The following OR6T1 variants were observed in gnomAD, a reference collection of about 807,000 sequenced individuals.
OR6T1 encodes olfactory receptor family 6 subfamily T member 1.
For missense variants in OR6T1, 389 were observed against 390.5 expected (o/e 1.00, Z 0.03); for synonymous variants, 179 against 159.1 (o/e 1.13, Z -0.94).
In OR6T1 at chr11:123,943,522, A is replaced by C. The variant is rs1303782977; in HGVS notation, c.317T>G (p.Phe106Cys). 6.2e-7 allele frequency: 1 copy of C among 1,614,044 alleles called. No individual in the cohort carries two copies. The highest frequency in any genetic ancestry group is 8.5e-7 in the Non-Finnish European group (1 of 1,180,024). ...GAGGAAGAAGTCAGTGGTGCCTAGA[A>C]AGAAGTAGAGGTAGGACTGGATGAT... ...SCIIQSYLYF[F>C]LGTTDFFLLA... Residue 106 changes from phenylalanine to cysteine, a missense_variant, in exon 1 of 1, where the codon TTT becomes TGT. Physicochemically the swap from Phe to Cys is radical, Grantham distance 205. Transcript: ENST00000321252.
In OR6T1 at chr11:123,943,366, C is replaced by T; in HGVS notation, c.473G>A (p.Cys158Tyr). Residue 158 changes from cysteine to tyrosine, a missense_variant, in exon 1 of 1, where the codon TGC becomes TAC. By Grantham distance (194) the Cys-to-Tyr change is radical (BLOSUM62 -2). Transcript: ENST00000321252. ...CAGGCTGGCCATGAGGACAGTGGGG[C>T]AAAGGACCCAGAGGAATCCAGCTAG... is the stretch of plus-strand genomic sequence containing the variant. ...SWLAGFLWVL[C>Y]PTVLMASLPF... 2 of 1,614,162 alleles carry T rather than the reference C, an allele frequency of 1.2e-6. No individual in the cohort carries two copies. Among genetic ancestry groups the T allele is most frequent in the Non-Finnish European group, 1.7e-6 (2 of 1,180,018 alleles).
Position 123,943,647 on chromosome 11 carries a change from C to G in OR6T1, c.192G>C (p.Arg64=). The G allele has an allele frequency of 6.2e-7, 1 of 1,614,192 alleles. No homozygotes were observed. The highest frequency in any genetic ancestry group is 8.5e-7 in the Non-Finnish European group (1 of 1,180,032). Residue 64 remains arginine, a synonymous_variant, in exon 1 of 1, where the codon CGG becomes CGC. Transcript: ENST00000321252. ...GCAACAGCTCCAGGAAGGAGAAATT[C>G]CGCAGGAAGAAGTACATCTGTATGT... ...RLHIQMYFFL[R]NFSFLELLLV... is the part of the protein sequence containing the mutation.
Position 123,943,556 on chromosome 11 carries a change from C to A in OR6T1, c.283G>T (p.Val95Phe). 2 of 1,614,186 alleles carry A rather than the reference C, an allele frequency of 1.2e-6. No individual in the cohort carries two copies. The highest frequency in any genetic ancestry group is 1.3e-5 in the African/African-American group (1 of 75,042). The change falls in exon 1 of 1, where the codon GTC becomes TTC. Residue 95 changes from valine (V) to phenylalanine (F), a missense_variant. By Grantham distance (50) the Val-to-Phe change is conservative. Transcript: ENST00000321252. The part of the protein sequence containing the change: ...ILTGDHTISF[V>F]SCIIQSYLYF... ...AGGTAGGACTGGATGATGCAGCTGA[C>A]AAATGAGATGGTGTGATCCCCCGTG...
At position 123,943,215 on chromosome 11, in the gene OR6T1, C is replaced by T. The variant is rs760040985; in HGVS notation, c.624G>A (p.Leu208=). Residue 208 remains leucine (L), a synonymous_variant, in exon 1 of 1, where the codon CTG becomes CTA. Transcript: ENST00000321252. ...AAACTGAGGTCAGAGCCAGTGAGCC[C>T]AGTAACACCAACGTAGAGAGCATGA... The part of the protein sequence containing the change: ...VAFMLSTLVL[L]GSLALTSVSY... The T allele has an allele frequency of 6.2e-7, 1 of 1,614,126 alleles. No individual in the cohort carries two copies. Among genetic ancestry groups the T allele is most frequent in the South Asian group, 1.1e-5 (1 of 91,080 alleles).
At chr11:123,942,978 TG>T in the OR6T1 span, 71 of 1,613,998 alleles carry the variant, frequency 4.4e-5, no homozygotes, top group Admixed American at 8.3e-5. Context: ...TGAAGATGAA[TG>T]GGTTCAAGAG....
chr11:123,943,478 C>G lies in OR6T1; in HGVS notation c.361G>C (p.Asp121His), dbSNP rs146570522. ...GGTCGGCAGATTGCCAGGTAACGAT[C>G]CAGAGACATGACGGCCAAGAGGAAG... ...DFFLLAVMSL[D>H]RYLAICRPLR... is the part of the protein sequence containing the mutation. The change falls in exon 1 of 1, where the codon GAT (aspartate) becomes CAT (histidine). Residue 121 changes from aspartate (D) to histidine (H), a missense_variant. Physicochemically the swap from Asp to His is moderately conservative, Grantham distance 81 (BLOSUM62 -1). Coordinates refer to ENST00000321252, the MANE Select transcript of OR6T1 (RefSeq NM_001005187.1). 13 of 1,613,940 alleles carry G rather than the reference C, an allele frequency of 8.1e-6. No individual in the cohort carries two copies. The highest frequency in any genetic ancestry group is 1.1e-5 in the Non-Finnish European group (13 of 1,180,018).
chr11:123,943,221 C>T lies in OR6T1; in HGVS notation c.618G>A (p.Val206=), dbSNP rs760099031. 2 of 1,614,202 alleles carry T rather than the reference C, an allele frequency of 1.2e-6. No individual in the cohort carries two copies. Among genetic ancestry groups the T allele is most frequent in the East Asian group, 2.2e-5 (1 of 44,880 alleles). The change falls in exon 1 of 1, where the codon GTG becomes GTA. Residue 206 remains valine, a synonymous_variant. Coordinates refer to ENST00000321252, the MANE Select transcript of OR6T1 (RefSeq NM_001005187.1). The part of the protein sequence containing the change: ...KLVAFMLSTL[V]LLGSLALTSV... Reference sequence around the variant, plus strand: ...AGGTCAGAGCCAGTGAGCCCAGTAACACCAACGTAGAGAGCATGAAAGCCA... The same window carrying T: ...AGGTCAGAGCCAGTGAGCCCAGTAATACCAACGTAGAGAGCATGAAAGCCA...
the OR6T1 span, chr11:123,942,869 AT>A: frequency 1.9e-6 from 3 of 1,611,290 alleles, no homozygotes; most frequent in Non-Finnish European, 2.5e-6. Context: ...TAATAAGATC[AT>A]TTCCTTTGAC....
rs1242676780 is a variant in OR6T1 at position 123,942,903 on chromosome 11, A to T, written c.936T>A (p.Ala312=). 2 of 1,614,124 alleles carry T rather than the reference A, an allele frequency of 1.2e-6. No individual in the cohort carries two copies. Among genetic ancestry groups the T allele is most frequent in the Non-Finnish European group, 8.5e-7 (1 of 1,180,000 alleles). The change falls in exon 1 of 1, where the codon GCT becomes GCA. Residue 312 remains alanine (A), a synonymous_variant. Coordinates refer to ENST00000321252, the MANE Select transcript of OR6T1 (RefSeq NM_001005187.1). ...REALGWPRLT[A]VMKLRVTSQR... is the part of the protein sequence containing the mutation. ...GACTTGTGACCCTCAGTTTCATCAC[A>T]GCAGTGAGCCTGGGCCACCCCAAGG...
Position 123,943,713 on chromosome 11 carries a change from C to T in OR6T1, c.126G>A (p.Lys42=), listed in dbSNP as rs1320402133. The T allele has an allele frequency of 2.5e-6, 4 of 1,614,216 alleles. No individual in the cohort carries two copies. In the South Asian group the frequency reaches 3.3e-5, roughly 13 times the overall value. ...TCCAGCTGAGCACAATAATTAGCAGCTTGCCTGTGGCTGTTACAATGTAGG... is the reference window on the plus strand; with the variant it reads ...TCCAGCTGAGCACAATAATTAGCAGTTTGCCTGTGGCTGTTACAATGTAGG... ...MVTYIVTATG[K]LLIIVLSWID... is the part of the protein sequence containing the mutation. The change falls in exon 1 of 1, where the codon AAG becomes AAA. Residue 42 remains lysine (K), a synonymous_variant. Transcript: ENST00000321252.
In OR6T1 at chr11:123,943,147, G is replaced by A. The variant is rs1262997533; in HGVS notation, c.692C>T (p.Ala231Val). The change falls in exon 1 of 1, where the codon GCT (alanine) becomes GTT (valine). Residue 231 changes from alanine (A) to valine (V), a missense_variant. Transcript: ENST00000321252. The part of the protein sequence containing the change: ...ILATVLRAPT[A>V]AERRKAFSTC... ...GGAAAACGCTTTCCTTCGCTCAGCA[G>A]CTGTAGGGGCCCTGAGAACAGTGGC... is the stretch of plus-strand genomic sequence containing the variant. 6.2e-7 allele frequency: 1 copy of A among 1,614,208 alleles called. No individual in the cohort carries two copies. The highest frequency in any genetic ancestry group is 1.7e-5 in the Admixed American group (1 of 60,022).
rs1291728513 is a variant in OR6T1 at position 123,943,428 on chromosome 11, A to G, written c.411T>C (p.Asn137=). The part of the protein sequence containing the change: ...CRPLRYETLM[N]GHVCSQLVLA... ...GCACTAGTTGGGAACAGACATGGCC[A>G]TTCATCAGGGTCTCATAGCGGAGTG... The change falls in exon 1 of 1, where the codon AAT becomes AAC. Residue 137 remains asparagine (N), a synonymous_variant. Coordinates refer to ENST00000321252, the MANE Select transcript of OR6T1 (RefSeq NM_001005187.1). 1.2e-6 allele frequency: 2 copies of G among 1,614,184 alleles called. No individual in the cohort carries two copies. Among genetic ancestry groups the G allele is most frequent in the Admixed American group, 3.3e-5 (2 of 60,030 alleles).
rs1591446889 is a variant in OR6T1 at position 123,943,749 on chromosome 11, C to A, written c.90G>T (p.Gly30=). Residue 30 remains glycine, a synonymous_variant, in exon 1 of 1, where the codon GGG becomes GGT. Coordinates refer to ENST00000321252, the MANE Select transcript of OR6T1 (RefSeq NM_001005187.1). ...SHLIQFLVFL[G]LMVTYIVTAT... ...CTGTTACAATGTAGGTCACCATTAA[C>A]CCCAGGAACACCAGGAACTGTATGA... 6.2e-7 allele frequency: 1 copy of A among 1,614,146 alleles called. No individual in the cohort carries two copies. Among genetic ancestry groups the A allele is most frequent in the Non-Finnish European group, 8.5e-7 (1 of 1,179,992 alleles).
chr11:123,943,229 T>C lies in OR6T1; in HGVS notation c.610A>G (p.Thr204Ala). ...LLKLVAFMLS[T>A]LVLLGSLALT... ...GCCAGTGAGCCCAGTAACACCAACG[T>C]AGAGAGCATGAAAGCCACCAGTTTC... Residue 204 changes from threonine to alanine, a missense_variant, in exon 1 of 1, where the codon ACG becomes GCG. By Grantham distance (58) the Thr-to-Ala change is moderately conservative. Coordinates refer to ENST00000321252, the MANE Select transcript of OR6T1 (RefSeq NM_001005187.1). 1 of 1,614,052 alleles carries C rather than the reference T, an allele frequency of 6.2e-7. No homozygotes were observed. The highest frequency in any genetic ancestry group is 8.5e-7 in the Non-Finnish European group (1 of 1,180,006).
rs1863489567 is a variant in OR6T1 at position 123,943,601 on chromosome 11, T to C, written c.238A>G (p.Lys80Glu). The change falls in exon 1 of 1, where the codon AAG becomes GAG. Residue 80 changes from lysine to glutamate, a missense_variant. Lys to Glu is a moderately conservative substitution (Grantham distance 56). Transcript: ENST00000321252. ...ELLLVTVVVP[K>E]MLVVILTGDH... ...CCCGTGAGGATGACGACAAGCATCT[T>C]GGGAACCACAACAGTTACCAGCAAC... 1 of 1,614,180 alleles carries C rather than the reference T, an allele frequency of 6.2e-7. No homozygotes were observed. Among genetic ancestry groups the C allele is most frequent in the African/African-American group, 1.3e-5 (1 of 75,052 alleles).
chr11:123,943,315 T>C lies in OR6T1; in HGVS notation c.524A>G (p.Asp175Gly), dbSNP rs1322027956. The C allele has an allele frequency of 6.2e-7, 1 of 1,614,068 alleles. No homozygotes were observed. The highest frequency in any genetic ancestry group is 1.7e-5 in the Admixed American group (1 of 60,008). ...SLPFCGPNGI[D>G]HFFRDSWPLL... ...GGGCCAACTGTCACGAAAGAAGTGG[T>C]CAATACCATTGGGGCCACAGAAAGG... The change falls in exon 1 of 1, where the codon GAC becomes GGC. Residue 175 changes from aspartate (D) to glycine (G), a missense_variant. Coordinates refer to ENST00000321252, the MANE Select transcript of OR6T1 (RefSeq NM_001005187.1).
At position 123,943,016 on chromosome 11, in the gene OR6T1, A is replaced by T; in HGVS notation, c.823T>A (p.Ser275Thr). Reference protein sequence around the residue: ...AQSKLLNKGASVLSCIITPLL... With the variant: ...AQSKLLNKGATVLSCIITPLL... ...GGTGTGATGATGCAGCTCAGGACGG[A>T]GGCACCTTTGTTGAGCAGTTTGGAC... Residue 275 changes from serine to threonine, a missense_variant, in exon 1 of 1, where the codon TCC becomes ACC. Transcript: ENST00000321252. The T allele has an allele frequency of 6.2e-7, 1 of 1,614,158 alleles. No homozygotes were observed. The highest frequency in any genetic ancestry group is 8.5e-7 in the Non-Finnish European group (1 of 1,180,036).
rs1487717554 is a variant in OR6T1 at position 123,943,653 on chromosome 11, G to A, written c.186C>T (p.Phe62=). ...GCTCCAGGAAGGAGAAATTCCGCAG[G>A]AAGAAGTACATCTGTATGTGCAGGC... ...DQRLHIQMYF[F]LRNFSFLELL... is the part of the protein sequence containing the mutation. Residue 62 remains phenylalanine, a synonymous_variant, in exon 1 of 1, where the codon TTC becomes TTT. Transcript: ENST00000321252. 3 of 1,614,078 alleles carry A rather than the reference G, an allele frequency of 1.9e-6. No individual in the cohort carries two copies. The highest frequency in any genetic ancestry group is 3.3e-5 in the Admixed American group (2 of 60,008).
At position 123,943,154 on chromosome 11, in the gene OR6T1, G is replaced by A. The variant is rs1249409115; in HGVS notation, c.685C>T (p.Pro229Ser). The A allele has an allele frequency of 1.2e-6, 2 of 1,614,042 alleles. No homozygotes were observed. Residue 229 changes from proline to serine, a missense_variant, in exon 1 of 1, where the codon CCT becomes TCT. Transcript: ENST00000321252. ...GCTTTCCTTCGCTCAGCAGCTGTAG[G>A]GGCCCTGAGAACAGTGGCAAGAATG... is the stretch of plus-strand genomic sequence containing the variant. ...ACILATVLRA[P>S]TAAERRKAFS...
Sources: allele counts gnomAD v4.1 joint callset, GRCh38; gene constraint gnomAD v4.1.1; transcripts MANE v1.5; gene names NCBI Gene and HGNC (gene_info 2026-07-23, HGNC 2026-07-21).